Variants in ZNF695 observed in about 807,000 individuals in gnomAD.
The protein encoded by ZNF695 is zinc finger protein SBZF3.
Under a neutral mutation model 11.2 loss-of-function variants are expected in ZNF695, and 11 were observed. The observed-to-expected ratio is 0.98, with a 90% CI of 0.62 to 1.62. ZNF695 has a LOEUF of 1.62. Among genes scored for constraint, ZNF695 ranks in the 40% most tolerant of loss-of-function variants. The probability of loss-of-function intolerance (pLI) is 0.00; values close to 1 mark genes in which losing one functional copy is unlikely to be tolerated. For missense variants in ZNF695, 559 were observed against 590.5 expected, an observed-to-expected ratio of 0.95 and a Z score of 0.55; for synonymous variants, 190 against 201.4, an observed-to-expected ratio of 0.94 and a Z score of 0.48.
downstream of ZNF695, chr1:246,945,610 A>C: frequency 1.7e-6 from 1 of 599,700 alleles, no homozygotes; most frequent in Non-Finnish European, 3.0e-6. Flanking sequence ...GGAAAAAAAG[A>C]GATATCTCAA....
chr1:246,983,158 C>T (rs1396230533), downstream of ZNF695, among the ~76,000 whole-genome samples: 8 of 150,628 alleles, frequency 5.3e-5, no homozygotes, highest in South Asian at 2.1e-4. Context: ...GAGCCGTGAT[C>T]GCGCCACTAC....
At chr1:246,969,279 A>G (rs1381740518) in intron 4 of ZNF695, 1 of 152,360 alleles carries the variant, frequency 6.6e-6, no homozygotes, top group Admixed American at 6.5e-5. Flanking sequence ...GATACCCTAA[A>G]TCATCTCTCT....
chr1:246,983,475 C>T (rs1355831410), downstream of ZNF695, among the ~76,000 whole-genome samples: 2 of 151,980 alleles, frequency 1.3e-5, no homozygotes, highest in Non-Finnish European at 2.9e-5. Flanking sequence ...AAGCTATGAT[C>T]ACAATGTCAG....
intron 4 of ZNF695, chr1:246,979,732 T>G (rs74227182): frequency 2.5e-5 from 1 of 40,512 alleles, no homozygotes; most frequent in Non-Finnish European, 1.1e-4. Context: ...TAATTGTTAG[T>G]TTAGAGTATT....
chr1:246,998,726 G>C (rs1247637786), intron 3 of ZNF695, among the ~76,000 whole-genome samples: 5 of 152,182 alleles, frequency 3.3e-5, no homozygotes, highest in Non-Finnish European at 1.5e-5. Context: ...CCGGCACTTT[G>C]GGAGGCCGAG....
At chr1:246,949,719 C>T (rs1667825963) in intron 5 of ZNF695, among the ~76,000 whole-genome samples, 1 of 152,166 alleles carries the variant, frequency 6.6e-6, no homozygotes, top group South Asian at 2.1e-4. Flanking sequence ...TCAAAGGTCC[C>T]TTACTTCCCC....
chr1:246,987,793 T>C lies in ZNF695; in HGVS notation c.722A>G (p.Lys241Arg). The C allele has an allele frequency of 6.2e-7, 1 of 1,608,028 alleles. No individual in the cohort carries two copies. Among genetic ancestry groups the C allele is most frequent in the Non-Finnish European group, 8.5e-7 (1 of 1,178,318 alleles). ...AAAAATGTTATTACATTCTTCACAT[T>C]TGCAATGTTTCTCTCCAACATGAAT... ...KRIHVGEKHC[K>R]CEECNNIFKS... is the part of the protein sequence containing the mutation. The change falls in exon 4 of 4, where the codon AAA becomes AGA. Residue 241 changes from lysine (K) to arginine (R), a missense_variant. Lys to Arg is a conservative substitution (Grantham distance 26, BLOSUM62 2). Coordinates refer to ENST00000339986, the MANE Select transcript of ZNF695 (RefSeq NM_020394.5).
chr1:246,988,976 C>T (rs567212645), intron 3 of ZNF695, among the ~76,000 whole-genome samples: 5 of 152,234 alleles, frequency 3.3e-5, no homozygotes, highest in Admixed American at 6.5e-5. Context: ...CGCCTGTAGT[C>T]CCACCTACTC....
At position 246,985,712 on chromosome 1, in the gene ZNF695, TA is replaced by T. The variant is rs1668830091; in HGVS notation, c.*1254del. The T allele has an allele frequency of 1.0e-6, 1 of 985,278 alleles. No homozygotes were observed. Among genetic ancestry groups the T allele is most frequent in the Non-Finnish European group, 1.2e-6 (1 of 829,890 alleles). 61.0% of individuals were successfully genotyped at this position (985,278 alleles called of 1,614,324 possible). ...TGCAATAGGAAAAACAACTGACTTG[TA>T]AAACTCAAATGTTTCTTTCTTAAAT... On this transcript the variant is annotated 3_prime_UTR_variant, in exon 4 of 4. Transcript: ENST00000339986.
At chr1:246,978,797 G>A (rs1668631700) in intron 4 of ZNF695, among the ~76,000 whole-genome samples, 1 of 152,218 alleles carries the variant, frequency 6.6e-6, no homozygotes, top group South Asian at 2.1e-4. Context: ...TCACTCAGCA[G>A]TCTGGTCTGC....
chr1:246,980,708 G>A (rs1161088580), downstream of ZNF695, among the ~76,000 whole-genome samples: 1 of 152,018 alleles, frequency 6.6e-6, no homozygotes, highest in African/African-American at 2.4e-5. Flanking sequence ...GTGAGCCACC[G>A]CACCCGGCCG....
intron 3 of ZNF695, among the ~76,000 whole-genome samples, chr1:246,992,921 A>T (rs529755422): frequency 2.0e-5 from 3 of 152,316 alleles, no homozygotes; most frequent in African/African-American, 7.2e-5. Context: ...GGGGGCTTGA[A>T]AAAGACTGGT....
At chr1:246,977,264 T>C (rs1209245944) in intron 4 of ZNF695, among the ~76,000 whole-genome samples, 1 of 152,240 alleles carries the variant, frequency 6.6e-6, no homozygotes, top group Admixed American at 6.5e-5. Context: ...ATACATTTTT[T>C]GTTGTTGTTT....
At chr1:247,006,420 G>A (rs1161673949) in intron 1 of ZNF695, among the ~76,000 whole-genome samples, 1 of 152,064 alleles carries the variant, frequency 6.6e-6, no homozygotes, top group African/African-American at 2.4e-5. Context: ...AGGGCAGCCT[G>A]GCCAACATAA....
At chr1:246,947,702 A>C (rs1667773893) in intron 5 of ZNF695, among the ~76,000 whole-genome samples, 1 of 152,158 alleles carries the variant, frequency 6.6e-6, no homozygotes, top group African/African-American at 2.4e-5. Flanking sequence ...CGGATGGATA[A>C]TTCTATCCAT....
chr1:246,956,251 G>A (rs540752058), intron 5 of ZNF695, among the ~76,000 whole-genome samples: 12 of 150,988 alleles, frequency 7.9e-5, no homozygotes, highest in African/African-American at 2.9e-4. Flanking sequence ...GCCTCCCAAA[G>A]TGCTGGGATT....
In ZNF695 at chr1:246,987,141, A is replaced by T; in HGVS notation, c.1374T>A (p.His458Gln). The T allele has an allele frequency of 6.2e-7, 1 of 1,614,082 alleles. No homozygotes were observed. The highest frequency in any genetic ancestry group is 8.5e-7 in the Non-Finnish European group (1 of 1,180,006). Residue 458 changes from histidine to glutamine, a missense_variant, in exon 4 of 4, where the codon CAT (histidine) becomes CAA (glutamine). His to Gln is a conservative substitution (Grantham distance 24). Coordinates refer to ENST00000339986, the MANE Select transcript of ZNF695 (RefSeq NM_020394.5). ...FSYLTNHKRI[H>Q]TGEKPYKCEE... ...CACATTTGTAGGGTTTCTCTCCAGT[A>T]TGAATTCTCTTATGATTAGTAAGAT...
At chr1:246,972,353 A>G (rs1273544259) in intron 4 of ZNF695, among the ~76,000 whole-genome samples, 1 of 152,142 alleles carries the variant, frequency 6.6e-6, no homozygotes, top group African/African-American at 2.4e-5. Flanking sequence ...CTGCCCCACC[A>G]TAATTCTGAT....
chr1:246,987,316 C>A lies in ZNF695; in HGVS notation c.1199G>T (p.Arg400Ile), dbSNP rs775346703. The part of the protein sequence containing the change: ...TWFSYLIQHK[R>I]IHTGQKPYKC... ...GTAGGGTTTCTGCCCAGTATGAATTCTCTTATGCTGAATAAGGTATGAGAA... is the reference window on the plus strand; with the variant it reads ...GTAGGGTTTCTGCCCAGTATGAATTATCTTATGCTGAATAAGGTATGAGAA... Residue 400 changes from arginine (R) to isoleucine (I), a missense_variant, in exon 4 of 4, where the codon AGA (arginine) becomes ATA (isoleucine). Arg to Ile is a moderately conservative substitution (Grantham distance 97, BLOSUM62 -3). Coordinates refer to ENST00000339986, the MANE Select transcript of ZNF695 (RefSeq NM_020394.5). The A allele has an allele frequency of 6.2e-7, 1 of 1,613,086 alleles. No individual in the cohort carries two copies. Among genetic ancestry groups the A allele is most frequent in the East Asian group, 2.2e-5 (1 of 44,746 alleles).
Sources: allele counts gnomAD v4.1 joint callset (sites outside exome capture counted in the v4.1 genomes callset), GRCh38; gene constraint gnomAD v4.1.1; transcripts MANE v1.5; gene names NCBI Gene and HGNC (gene_info 2026-07-23, HGNC 2026-07-21).